The following ASAP1 variants were observed in gnomAD, a reference collection of about 807,000 sequenced individuals.
ASAP1 encodes the protein ArfGAP with SH3 domain, ankyrin repeat and PH domain 1.
ASAP1 carries 43 observed loss-of-function variants against 145.2 expected under a neutral mutation model. That is an observed-to-expected ratio of 0.30 (90% confidence interval 0.23 to 0.38). The LOEUF is 0.38. Among genes scored for constraint, ASAP1 ranks in the 10% least tolerant of loss-of-function variants. The pLI is 1.00. For synonymous variants in ASAP1, 546 were observed against 515.5 expected (o/e 1.06, Z -0.80); for missense variants, 1,018 against 1,355.3 (o/e 0.75, Z 3.91).
intron 24 of ASAP1, among the ~76,000 whole-genome samples, chr8:130,108,757 G>GTTTTTTTTTTTTTTTTTTTT (rs10568607): frequency 1.9e-5 from 1 of 51,524 alleles, no homozygotes; most frequent in Non-Finnish European, 3.3e-5. Context: ...TCAAAAACCA[G>GTTTTTTTTTTTTTTTTTTTT]TTTTTTTTTT....
At chr8:130,169,103 T>C (rs751085472) in intron 9 of ASAP1, 36 bp from the exon 10 acceptor site, 6 of 1,058,860 alleles carry the variant, frequency 5.7e-6, no homozygotes, top group African/African-American at 5.0e-5. Context: ...ACCACCAGTA[T>C]AAAAAAAAAA....
At chr8:130,192,077 G>T (rs907632769) in intron 5 of ASAP1, among the ~76,000 whole-genome samples, 1 of 151,980 alleles carries the variant, frequency 6.6e-6, no homozygotes, top group Non-Finnish European at 1.5e-5. Context: ...CAAAGACAAA[G>T]GGATTTCTAC....
chr8:130,231,797 T>C (rs540771188), intron 4 of ASAP1, among the ~76,000 whole-genome samples: 87 of 152,334 alleles, frequency 5.7e-4, no homozygotes, highest in African/African-American at 2.1e-3. Flanking sequence ...TATGTCTCAC[T>C]GTGTTTTTTA....
At chr8:130,325,464 T>C (rs1187767162) in intron 3 of ASAP1, among the ~76,000 whole-genome samples, 1 of 152,252 alleles carries the variant, frequency 6.6e-6, no homozygotes, top group Non-Finnish European at 1.5e-5. Flanking sequence ...ACTTATCATA[T>C]TTTGTTCACT....
intron 3 of ASAP1, among the ~76,000 whole-genome samples, chr8:130,305,665 C>T (rs979670659): frequency 1.3e-5 from 2 of 152,164 alleles, no homozygotes; most frequent in African/African-American, 4.8e-5. Flanking sequence ...TGAGCTACCA[C>T]TCCCAGCCTA....
intron 2 of ASAP1, among the ~76,000 whole-genome samples, chr8:130,370,487 G>C (rs534609795): frequency 6.6e-6 from 1 of 152,186 alleles, no homozygotes; most frequent in East Asian, 1.9e-4. Flanking sequence ...TTTGTTGTTT[G>C]TAAGCCATCC....
intron 27 of ASAP1, among the ~76,000 whole-genome samples, chr8:130,068,573 A>G (rs1254847269): frequency 1.3e-5 from 2 of 152,206 alleles, no homozygotes; most frequent in Non-Finnish European, 2.9e-5. Flanking sequence ...GTAGAAGTAC[A>G]TGTTTGGATT....
intron 3 of ASAP1, among the ~76,000 whole-genome samples, chr8:130,351,433 A>G (rs1825986319): frequency 2.0e-5 from 3 of 152,246 alleles, no homozygotes; most frequent in Non-Finnish European, 4.4e-5. Context: ...TTTTAAATCC[A>G]AAGATATATA....
chr8:130,265,559 T>C (rs1820190793), intron 3 of ASAP1, among the ~76,000 whole-genome samples: 1 of 133,228 alleles, frequency 7.5e-6, no homozygotes, highest in Non-Finnish European at 1.6e-5. Context: ...GGTAACAGAG[T>C]GAAACCCTGT....
chr8:130,293,963 T>C (rs922770609), intron 3 of ASAP1, among the ~76,000 whole-genome samples: 1 of 152,256 alleles, frequency 6.6e-6, no homozygotes, highest in East Asian at 1.9e-4. Flanking sequence ...TGAGCCTCTA[T>C]GTAAGAGCCA....
intron 3 of ASAP1, among the ~76,000 whole-genome samples, chr8:130,343,718 C>A (rs1825531442): frequency 6.6e-6 from 1 of 152,172 alleles, no homozygotes; most frequent in Non-Finnish European, 1.5e-5. Flanking sequence ...CCAAGGTGAA[C>A]AACAGGTCCT....
chr8:130,350,909 A>T (rs1163147325), intron 3 of ASAP1, among the ~76,000 whole-genome samples: 1 of 152,216 alleles, frequency 6.6e-6, no homozygotes, highest in Non-Finnish European at 1.5e-5. Flanking sequence ...TCATAGGCAA[A>T]TCAGGTTGGG....
chr8:130,129,594 C>T (rs912717126), intron 15 of ASAP1, among the ~76,000 whole-genome samples: 11 of 152,220 alleles, frequency 7.2e-5, no homozygotes, highest in African/African-American at 2.7e-4. Flanking sequence ...AGGTTCAGAA[C>T]TGAGTCTCTC....
chr8:130,086,499 T>C (rs553973039), intron 25 of ASAP1, among the ~76,000 whole-genome samples: 188 of 152,358 alleles, frequency 1.2e-3, no homozygotes, highest in Non-Finnish European at 2.2e-3. Flanking sequence ...TTACAAGCCA[T>C]AAACCTGTAT....
At chr8:130,290,991 T>C (rs1586765058) in intron 3 of ASAP1, among the ~76,000 whole-genome samples, 1 of 152,198 alleles carries the variant, frequency 6.6e-6, no homozygotes. Context: ...CAAATAATGC[T>C]TTACAGGCTA....
chr8:130,067,924 C>T (rs942411387), intron 27 of ASAP1, among the ~76,000 whole-genome samples: 2 of 152,188 alleles, frequency 1.3e-5, no homozygotes, highest in Non-Finnish European at 2.9e-5. Flanking sequence ...GAGCCGTACA[C>T]CACACATTTG....
At chr8:130,360,343 A>T (rs760555484) in intron 2 of ASAP1, among the ~76,000 whole-genome samples, 1 of 152,212 alleles carries the variant, frequency 6.6e-6, no homozygotes, top group Non-Finnish European at 1.5e-5. Context: ...GCTGCCTCAC[A>T]TGAAAGCAAA....
At chr8:130,090,277 TAAAC>T (rs1489743989) in intron 25 of ASAP1, among the ~76,000 whole-genome samples, 2 of 140,210 alleles carry the variant, frequency 1.4e-5, no homozygotes, top group Admixed American at 7.3e-5. Flanking sequence ...TAAAGCCACT[TAAAC>T]AAGAGGATTA....
At chr8:130,297,585 G>A (rs865909143) in intron 3 of ASAP1, among the ~76,000 whole-genome samples, 2 of 152,312 alleles carry the variant, frequency 1.3e-5, no homozygotes, top group African/African-American at 2.4e-5. Flanking sequence ...CTACAGAAGT[G>A]CAGGACGACT....
Sources: gnomAD v4.1 joint callset for allele counts (sites outside exome capture counted in the v4.1 genomes callset) on GRCh38, gnomAD v4.1.1 for gene constraint, MANE v1.5 for transcripts, NCBI Gene and HGNC (gene_info 2026-07-23, HGNC 2026-07-21) for gene names.